The following ROBO2 variants were observed in gnomAD, a reference collection of about 807,000 sequenced individuals.
The protein encoded by ROBO2 is roundabout homolog 2.
Under a neutral mutation model 160.8 loss-of-function variants are expected in ROBO2, and 53 were observed. The ratio of observed to expected loss-of-function variants is 0.33; its 90% CI spans 0.26 to 0.41. ROBO2 has a LOEUF of 0.41. Among genes scored for constraint, ROBO2 ranks in the 10% least tolerant of loss-of-function variants. The pLI, the probability that ROBO2 is intolerant of heterozygous loss-of-function variation, is 1.00. For missense variants in ROBO2, 1,577 were observed against 1,722.4 expected (o/e 0.92, Z 1.49); for synonymous variants, 664 against 611.7 (o/e 1.09, Z -1.26).
At chr3:76,850,184 TTTTCTC>T (rs143183893) in intron 2 of ROBO2, among the ~76,000 whole-genome samples, 2,413 of 152,128 alleles carry the variant, frequency 0.016, 50 homozygotes, top group East Asian at 0.097. Context: ...AAAAAAAAAG[TTTTCTC>T]TATCTTCATC....
At chr3:77,207,313 A>C (rs1413449116) in intron 2 of ROBO2, among the ~76,000 whole-genome samples, 1 of 152,172 alleles carries the variant, frequency 6.6e-6, no homozygotes, top group Non-Finnish European at 1.5e-5. Context: ...ATTCTAAAAT[A>C]GGATAAACTT....
intron 2 of ROBO2, among the ~76,000 whole-genome samples, chr3:77,231,280 T>A (rs2087151703): frequency 6.7e-6 from 1 of 149,038 alleles, no homozygotes; most frequent in African/African-American, 2.5e-5. Context: ...CAAGAATCGC[T>A]TGAACCTGGG....
At chr3:76,487,944 T>C (rs1324127896) in intron 2 of ROBO2, among the ~76,000 whole-genome samples, 2 of 152,186 alleles carry the variant, frequency 1.3e-5, no homozygotes, top group Admixed American at 6.6e-5. Context: ...AAGGTAGTTA[T>C]ACAATGTATG....
At chr3:76,155,989 T>C (rs1018873180) in intron 2 of ROBO2, among the ~76,000 whole-genome samples, 7 of 151,710 alleles carry the variant, frequency 4.6e-5, no homozygotes, top group African/African-American at 1.7e-4. Context: ...AAAAGACATA[T>C]TGATTTTACT....
chr3:77,260,793 C>T (rs1294800887), intron 2 of ROBO2, among the ~76,000 whole-genome samples: 1 of 152,138 alleles, frequency 6.6e-6, no homozygotes, highest in Non-Finnish European at 1.5e-5. Context: ...GATGAAATGA[C>T]CTGAATGATT....
chr3:76,327,259 A>G (rs2073105950), intron 2 of ROBO2, among the ~76,000 whole-genome samples: 1 of 152,076 alleles, frequency 6.6e-6, no homozygotes, highest in Non-Finnish European at 1.5e-5. Context: ...GTATAACCTG[A>G]TATAACCTGA....
At chr3:76,670,036 A>T (rs2092204831) in intron 2 of ROBO2, among the ~76,000 whole-genome samples, 1 of 152,210 alleles carries the variant, frequency 6.6e-6, no homozygotes, top group Non-Finnish European at 1.5e-5. Flanking sequence ...GAATATAGTA[A>T]GTGTCTTATA....
At chr3:77,296,872 G>A (rs1279026060) in intron 2 of ROBO2, among the ~76,000 whole-genome samples, 1 of 152,142 alleles carries the variant, frequency 6.6e-6, no homozygotes, top group Non-Finnish European at 1.5e-5. Flanking sequence ...CTGATTAGCA[G>A]CAAGAAGCCA....
intron 2 of ROBO2, among the ~76,000 whole-genome samples, chr3:76,289,750 C>T (rs1708711737): frequency 6.6e-6 from 1 of 152,064 alleles, no homozygotes; most frequent in African/African-American, 2.4e-5. Flanking sequence ...ACTAAGGACT[C>T]CTTTCCCCAT....
chr3:76,948,908 A>ATATATTTTTTTTT (rs1209284372), intron 2 of ROBO2, among the ~76,000 whole-genome samples: 1 of 24,968 alleles, frequency 4.0e-5, no homozygotes, highest in African/African-American at 1.8e-4. Flanking sequence ...ATATATATAT[A>ATATATTTTTTTTT]TTTTTTTTTT....
At position 77,069,360 on chromosome 3, in the gene ROBO2, A is replaced by G. The variant is rs149781780; in HGVS notation, c.61+28514A>G. On this transcript the variant is annotated intron_variant, in intron 1 of 25. Coordinates refer to ENST00000461745, the Ensembl canonical transcript of ROBO2. ...GTTGGCAAAGAAGTCGATTGGGATC[A>G]TGATATTCTTCAAATCTTCATAATC... is the stretch of plus-strand genomic sequence containing the variant. Among the ~76,000 whole-genome samples, 119 of 152,342 alleles carry G rather than the reference A, an allele frequency of 7.8e-4. 1 individual carries two copies. Among genetic ancestry groups the G allele is most frequent in the African/African-American group, 2.7e-3 (113 of 41,584 alleles).
chr3:76,683,565 C>A (rs2092618509), intron 2 of ROBO2, among the ~76,000 whole-genome samples: 1 of 150,394 alleles, frequency 6.6e-6, no homozygotes, highest in Non-Finnish European at 1.5e-5. Context: ...CCTTGTGGTT[C>A]TCCAGTTGAT....
At chr3:75,961,629 G>C (rs937197650) in intron 2 of ROBO2, among the ~76,000 whole-genome samples, 1 of 151,572 alleles carries the variant, frequency 6.6e-6, no homozygotes, top group Non-Finnish European at 1.5e-5. Flanking sequence ...AATGAAAAGA[G>C]AACAGAGCAG....
chr3:77,018,161 G>A (rs2062400685), intron 2 of ROBO2, among the ~76,000 whole-genome samples: 1 of 152,166 alleles, frequency 6.6e-6, no homozygotes, highest in East Asian at 1.9e-4. Context: ...GGAGTGCAGT[G>A]GCGCAATCTC....
chr3:76,570,523 C>T (rs1273921778), intron 2 of ROBO2, among the ~76,000 whole-genome samples: 4 of 152,140 alleles, frequency 2.6e-5, no homozygotes, highest in Non-Finnish European at 5.9e-5. Context: ...TTTAAAAGCA[C>T]ACAATCTTTT....
chr3:76,434,806 A>G (rs923171452), intron 2 of ROBO2: 9 of 1,458,618 alleles, frequency 6.2e-6, no homozygotes, highest in Admixed American at 1.7e-5. Flanking sequence ...AGCATCACAC[A>G]TGCCCTGAAT....
intron 2 of ROBO2, among the ~76,000 whole-genome samples, chr3:77,326,494 C>T (rs1248237321): frequency 6.6e-6 from 1 of 152,130 alleles, no homozygotes; most frequent in East Asian, 1.9e-4. Flanking sequence ...AAATCATTTC[C>T]ATTTATATTT....
intron 2 of ROBO2, among the ~76,000 whole-genome samples, chr3:76,191,400 C>A (rs940334336): frequency 6.6e-6 from 1 of 152,112 alleles, no homozygotes; most frequent in African/African-American, 2.4e-5. Context: ...CATGTCAGTA[C>A]TGGGAAGGAT....
intron 2 of ROBO2, among the ~76,000 whole-genome samples, chr3:76,713,892 G>A (rs1292484004): frequency 6.6e-6 from 1 of 151,870 alleles, no homozygotes; most frequent in Non-Finnish European, 1.5e-5. Context: ...AAACATGCTG[G>A]ACTGCATTTA....
Sources: allele counts gnomAD v4.1 joint callset (sites outside exome capture counted in the v4.1 genomes callset), GRCh38; gene constraint gnomAD v4.1.1; transcripts MANE v1.5; gene names NCBI Gene and HGNC (gene_info 2026-07-23, HGNC 2026-07-21).